The following NEK11 variants were observed in gnomAD, a reference collection of about 807,000 sequenced individuals.
NEK11 encodes serine/threonine-protein kinase Nek11.
A neutral mutation model predicts 80.7 loss-of-function variants in NEK11; 72 were observed. That is an observed-to-expected ratio of 0.89 (90% CI 0.74 to 1.08). The LOEUF (loss-of-function observed/expected upper bound fraction) is 1.08. NEK11 is among the 50% of genes least tolerant of loss of function. The probability of loss-of-function intolerance (pLI) is 0.00; values close to 1 mark genes in which losing one functional copy is unlikely to be tolerated. For synonymous variants in NEK11, 251 were observed against 260.7 expected, an observed-to-expected ratio of 0.96 and a Z score of 0.36; for missense variants, 764 against 763.6, an observed-to-expected ratio of 1.00 and a Z score of -0.01.
chr3:131,247,949 T>C (rs1207936570), intron 16 of NEK11, among the ~76,000 whole-genome samples: 1 of 152,094 alleles, frequency 6.6e-6, no homozygotes, highest in East Asian at 1.9e-4. Context: ...GTTTATTTTG[T>C]ATCCTGAAAT....
At chr3:131,073,077 A>G (rs995338198) in intron 3 of NEK11, among the ~76,000 whole-genome samples, 1 of 152,144 alleles carries the variant, frequency 6.6e-6, no homozygotes, top group South Asian at 2.1e-4. Context: ...AATGCAGGAC[A>G]TGGTCCATTT....
intron 15 of NEK11, 81 bp from the exon 16 acceptor site, chr3:131,243,355 T>C: frequency 7.5e-7 from 1 of 1,328,206 alleles, no homozygotes; most frequent in Non-Finnish European, 1.1e-6. Context: ...TTCGCCTAAA[T>C]GTAGTAAGAA....
chr3:131,311,818 A>G (rs1368224973), intron 17 of NEK11, among the ~76,000 whole-genome samples: 1 of 152,234 alleles, frequency 6.6e-6, no homozygotes, highest in South Asian at 2.1e-4. Flanking sequence ...ATCTAGTGAT[A>G]AACATCCCAG....
At chr3:131,060,171 A>T (rs2148799560) in intron 3 of NEK11, among the ~76,000 whole-genome samples, 1 of 152,322 alleles carries the variant, frequency 6.6e-6, no homozygotes, top group East Asian at 1.9e-4. Flanking sequence ...TAAAAGACAG[A>T]TGTATGACAT....
chr3:131,155,031 T>C lies in NEK11; in HGVS notation c.877-5T>C. 1 of 1,582,706 alleles carries C rather than the reference T, an allele frequency of 6.3e-7. No homozygotes were observed. Among genetic ancestry groups the C allele is most frequent in the South Asian group, 1.1e-5 (1 of 90,372 alleles). On this transcript the variant is annotated splice_region_variant and splice_polypyrimidine_tract_variant and intron_variant, in intron 9 of 17. Transcript: ENST00000383366. ...AAGATATGTCAGGGTTGATCTTTTTTTCAGAACCTAATGTGTAGATATTCA... is the reference window on the plus strand; with the variant it reads ...AAGATATGTCAGGGTTGATCTTTTTCTCAGAACCTAATGTGTAGATATTCA...
chr3:131,344,982 T>G (rs1368794784), intron 17 of NEK11, among the ~76,000 whole-genome samples: 1 of 152,226 alleles, frequency 6.6e-6, no homozygotes, highest in African/African-American at 2.4e-5. Context: ...TTATAATCCT[T>G]TTTTATTTCT....
intron 16 of NEK11, among the ~76,000 whole-genome samples, chr3:131,272,035 G>A (rs1478332039): frequency 1.3e-5 from 2 of 152,018 alleles, no homozygotes; most frequent in Non-Finnish European, 2.9e-5. Context: ...GGGAGGCAGA[G>A]GTTGCGGTGA....
At position 131,109,791 on chromosome 3, in the gene NEK11, T is replaced by C; in HGVS notation, c.337-12T>C. On this transcript the variant is annotated splice_polypyrimidine_tract_variant and intron_variant, in intron 4 of 17. Transcript: ENST00000383366. ...GCTGAAAAAATATGAAAGATTATGC[T>C]CTTCATTTCAGGGCCGAGATCTGGA... 2 of 1,577,060 alleles carry C rather than the reference T, an allele frequency of 1.3e-6. No individual in the cohort carries two copies. The highest frequency in any genetic ancestry group is 1.7e-6 in the Non-Finnish European group (2 of 1,168,650).
intron 3 of NEK11, among the ~76,000 whole-genome samples, chr3:131,044,250 AT>A (rs2066985884): frequency 6.6e-6 from 1 of 152,238 alleles, no homozygotes; most frequent in East Asian, 1.9e-4. Context: ...ACATAACAAT[AT>A]TAACCTCAAA....
intron 4 of NEK11, among the ~76,000 whole-genome samples, chr3:131,094,805 A>C (rs931436269): frequency 2.0e-5 from 3 of 152,194 alleles, no homozygotes; most frequent in African/African-American, 7.2e-5. Context: ...TTGTCTTGTC[A>C]AAATTATGGG....
chr3:131,201,783 A>T (rs1356086647), intron 14 of NEK11, among the ~76,000 whole-genome samples: 2 of 152,040 alleles, frequency 1.3e-5, no homozygotes. Flanking sequence ...ATTTAATGTT[A>T]ATTTCTCATG....
At chr3:131,051,595 A>T (rs1164968172) in intron 3 of NEK11, among the ~76,000 whole-genome samples, 2 of 152,178 alleles carry the variant, frequency 1.3e-5, no homozygotes, top group East Asian at 1.9e-4. Flanking sequence ...TACATATCTC[A>T]GATAACCTAC....
intron 5 of NEK11, among the ~76,000 whole-genome samples, chr3:131,118,508 C>A (rs1321231364): frequency 6.6e-6 from 1 of 152,082 alleles, no homozygotes; most frequent in African/African-American, 2.4e-5. Flanking sequence ...AGGGAGGATC[C>A]CTCTTTTTCT....
At chr3:131,336,846 C>G (rs2097193993) in intron 17 of NEK11, among the ~76,000 whole-genome samples, 1 of 152,122 alleles carries the variant, frequency 6.6e-6, no homozygotes, top group African/African-American at 2.4e-5. Context: ...TTTATGCAGC[C>G]AAAAGACACA....
chr3:131,272,115 G>A (rs1021102771), intron 16 of NEK11, among the ~76,000 whole-genome samples: 8 of 151,860 alleles, frequency 5.3e-5, no homozygotes, highest in Admixed American at 4.6e-4. Context: ...AAAAGAAGAA[G>A]AAAAAGTTTT....
At chr3:131,303,731 A>G (rs1160808701) in intron 17 of NEK11, among the ~76,000 whole-genome samples, 3 of 152,120 alleles carry the variant, frequency 2.0e-5, no homozygotes, top group African/African-American at 7.2e-5. Context: ...CATTAGCCTG[A>G]TGGGGTTCCC....
chr3:131,190,445 T>C (rs2093751928), intron 14 of NEK11, among the ~76,000 whole-genome samples: 1 of 152,208 alleles, frequency 6.6e-6, no homozygotes, highest in African/African-American at 2.4e-5. Context: ...CTTGATGAGT[T>C]CAGATGAGAT....
intron 5 of NEK11, among the ~76,000 whole-genome samples, chr3:131,130,101 A>AT (rs966357347): frequency 2.6e-5 from 4 of 151,598 alleles, no homozygotes; most frequent in Admixed American, 6.6e-5. Flanking sequence ...TTCTTCTTTG[A>AT]TTTTTTTTCA....
chr3:131,180,736 A>G (rs2674619), intron 14 of NEK11, among the ~76,000 whole-genome samples: 13,719 of 152,216 alleles, frequency 0.09, 1,134 homozygotes, highest in East Asian at 0.43. Context: ...TATCATTAAT[A>G]AAACTACTGT....
Sources: gnomAD v4.1 joint callset for allele counts (sites outside exome capture counted in the v4.1 genomes callset) on GRCh38, gnomAD v4.1.1 for gene constraint, MANE v1.5 for transcripts, NCBI Gene and HGNC (gene_info 2026-07-23, HGNC 2026-07-21) for gene names.